The following NRXN3 variants were observed in gnomAD, a reference collection of about 807,000 sequenced individuals.
NRXN3 encodes the protein neurexin 3.
In NRXN3, 32 loss-of-function variants were observed where a neutral mutation model predicts 137.6. That is an observed-to-expected ratio of 0.23 (90% CI 0.18 to 0.31). The LOEUF (loss-of-function observed/expected upper bound fraction) is 0.31. NRXN3 is among the 10% of genes least tolerant of loss of function. NRXN3 has a pLI of 1.00. For synonymous variants in NRXN3, 798 were observed against 784.5 expected (o/e 1.02, Z -0.29); for missense variants, 1,574 against 2,062.5 (o/e 0.76, Z 4.59).
At chr14:78,625,458 G>A (rs566086573) in intron 4 of NRXN3, among the ~76,000 whole-genome samples, 1 of 152,240 alleles carries the variant, frequency 6.6e-6, no homozygotes, top group African/African-American at 2.4e-5. Flanking sequence ...AATTTAGCTT[G>A]TGACTAATAG....
At chr14:79,493,898 G>C (rs536971502) in intron 16 of NRXN3, among the ~76,000 whole-genome samples, 5 of 152,276 alleles carry the variant, frequency 3.3e-5, no homozygotes, top group African/African-American at 1.2e-4. Flanking sequence ...AATGACAAAG[G>C]CTGTCACAGT....
chr14:78,713,122 A>C (rs956468925), intron 7 of NRXN3, among the ~76,000 whole-genome samples: 12 of 152,200 alleles, frequency 7.9e-5, no homozygotes, highest in African/African-American at 2.9e-4. Context: ...ATTGAGCCAT[A>C]AAGTGGTTCA....
intron 4 of NRXN3, among the ~76,000 whole-genome samples, chr14:78,482,632 A>G (rs1261373814): frequency 6.6e-6 from 1 of 152,226 alleles, no homozygotes; most frequent in African/African-American, 2.4e-5. Context: ...CAAGGACTTT[A>G]GACTAAACTG....
At chr14:79,208,586 T>C (rs1416685050) in intron 15 of NRXN3, among the ~76,000 whole-genome samples, 2 of 152,202 alleles carry the variant, frequency 1.3e-5, no homozygotes, top group East Asian at 1.9e-4. Context: ...ATATTCATAA[T>C]AGCAACTGAC....
chr14:79,423,333 A>G (rs144411981), intron 15 of NRXN3, among the ~76,000 whole-genome samples: 53 of 152,280 alleles, frequency 3.5e-4, no homozygotes, highest in African/African-American at 1.2e-3. Flanking sequence ...CTCTGATTAT[A>G]TATCTCTTTT....
At chr14:79,728,469 T>C (rs2098906013) in intron 19 of NRXN3, among the ~76,000 whole-genome samples, 1 of 152,278 alleles carries the variant, frequency 6.6e-6, no homozygotes, top group South Asian at 2.1e-4. Flanking sequence ...GAGAAGGTCA[T>C]TGGCGCTCAC....
intron 15 of NRXN3, among the ~76,000 whole-genome samples, chr14:79,141,067 A>G (rs2058743623): frequency 6.6e-6 from 1 of 152,232 alleles, no homozygotes; most frequent in African/African-American, 2.4e-5. Context: ...TATAAGGTGT[A>G]GCAGTCTTAC....
intron 4 of NRXN3, among the ~76,000 whole-genome samples, chr14:78,321,114 C>CA (rs140758153): frequency 0.036 from 5,201 of 144,296 alleles, 304 homozygotes; most frequent in African/African-American, 0.12. Flanking sequence ...GACTTCATTT[C>CA]AAAAAAAAAA....
At chr14:78,871,412 A>G (rs1440936827) in intron 10 of NRXN3, among the ~76,000 whole-genome samples, 1 of 152,060 alleles carries the variant, frequency 6.6e-6, no homozygotes, top group East Asian at 1.9e-4. Flanking sequence ...TCTTTTCTTA[A>G]AAAATTACAT....
intron 8 of NRXN3, among the ~76,000 whole-genome samples, chr14:78,762,618 T>C (rs1444321122): frequency 3.3e-5 from 5 of 152,114 alleles, no homozygotes. Context: ...ACATACTTAG[T>C]CCAAAGGGCG....
chr14:78,207,244 C>A (rs1424541672), intron 1 of NRXN3, among the ~76,000 whole-genome samples: 2 of 152,112 alleles, frequency 1.3e-5, no homozygotes, highest in African/African-American at 4.8e-5. Flanking sequence ...CTGTGAAAAC[C>A]CACCCCTTCT....
chr14:78,473,568 G>A (rs2095323717), intron 4 of NRXN3, among the ~76,000 whole-genome samples: 1 of 152,148 alleles, frequency 6.6e-6, no homozygotes, highest in Admixed American at 6.5e-5. Flanking sequence ...GATTAAACTA[G>A]GTGTATAAGC....
At chr14:79,462,169 T>C (rs1019370456) in intron 15 of NRXN3, among the ~76,000 whole-genome samples, 1 of 151,168 alleles carries the variant, frequency 6.6e-6, no homozygotes, top group African/African-American at 2.4e-5. Context: ...AGGTCAGGAG[T>C]TCGAGACCAG....
intron 17 of NRXN3, among the ~76,000 whole-genome samples, chr14:79,679,174 A>C (rs1251827549): frequency 6.6e-6 from 1 of 151,928 alleles, no homozygotes; most frequent in African/African-American, 2.4e-5. Flanking sequence ...TTCTTGTTGC[A>C]AGGTGCAAGG....
At chr14:79,514,351 G>T (rs892887548) in intron 16 of NRXN3, among the ~76,000 whole-genome samples, 5 of 151,930 alleles carry the variant, frequency 3.3e-5, no homozygotes, top group African/African-American at 1.2e-4. Flanking sequence ...ATAGAATTTC[G>T]CTGTCCTCTC....
At chr14:78,798,016 C>T (rs1285179416) in intron 8 of NRXN3, among the ~76,000 whole-genome samples, 1 of 152,124 alleles carries the variant, frequency 6.6e-6, no homozygotes, top group Non-Finnish European at 1.5e-5. Context: ...TGGGTAGAAA[C>T]ACAGCTAACC....
At chr14:79,179,645 AG>A (rs2062711321) in intron 15 of NRXN3, among the ~76,000 whole-genome samples, 1 of 152,206 alleles carries the variant, frequency 6.6e-6, no homozygotes, top group Non-Finnish European at 1.5e-5. Flanking sequence ...AAATAAGGGC[AG>A]GACTGGGTGG....
Position 78,242,829 on chromosome 14 carries a change from T to C in NRXN3, c.-265T>C. On this transcript the variant is annotated 5_prime_UTR_variant, in exon 2 of 21. Coordinates refer to ENST00000335750, the MANE Select transcript of NRXN3 (RefSeq NM_001330195.2). Reference sequence around the variant, plus strand: ...TACTCCAGTCCCTCACTTCCCCACCTGATTTTCCTCCTCTTCTGCTGGTCC... The same window carrying C: ...TACTCCAGTCCCTCACTTCCCCACCCGATTTTCCTCCTCTTCTGCTGGTCC... The C allele has an allele frequency of 2.2e-6, 1 of 458,516 alleles. No homozygotes were observed. The highest frequency in any genetic ancestry group is 3.8e-6 in the Non-Finnish European group (1 of 261,944). The allele number at this position is 458,516 out of a possible 1,614,324, so 28.4% of individuals were successfully genotyped here. A position where few individuals can be genotyped will look rare whatever the true frequency, so the allele number is the denominator to read the frequency against.
chr14:78,187,007 GCTT>G (rs1445305277), intron 1 of NRXN3, among the ~76,000 whole-genome samples: 2 of 152,216 alleles, frequency 1.3e-5, no homozygotes, highest in Non-Finnish European at 2.9e-5. Flanking sequence ...ACATGTGCAT[GCTT>G]CTTTTTTTTG....
Sources: gnomAD v4.1 joint callset for allele counts (sites outside exome capture counted in the v4.1 genomes callset) on GRCh38, gnomAD v4.1.1 for gene constraint, MANE v1.5 for transcripts, NCBI Gene and HGNC (gene_info 2026-07-23, HGNC 2026-07-21) for gene names.